Variants in MOV10L1 observed in about 807,000 individuals in gnomAD.
MOV10L1 encodes Mov10 like RNA helicase 1.
In MOV10L1, 110 loss-of-function variants were observed where a neutral mutation model predicts 143.8. The observed-to-expected ratio is 0.76, with a 90% confidence interval of 0.66 to 0.90. The LOEUF is 0.90. Ranked by LOEUF, MOV10L1 falls within the 40% of genes least tolerant of loss-of-function variation. MOV10L1 has a pLI of 0.00. For missense variants in MOV10L1, 1,406 were observed against 1,526.8 expected (o/e 0.92, Z 1.32); for synonymous variants, 593 against 581.1 (o/e 1.02, Z -0.29).
At position 50,091,986 on chromosome 22, in the gene MOV10L1, G is replaced by C. The variant is rs750105943; in HGVS notation, c.98-15G>C. 135 of 1,608,132 alleles carry C rather than the reference G, an allele frequency of 8.4e-5. 2 individuals carry two copies. The South Asian group carries it at 1.3e-3, about 16-fold the overall frequency. On this transcript the variant is annotated splice_polypyrimidine_tract_variant and intron_variant, in intron 1 of 26. Coordinates refer to ENST00000262794, the MANE Select transcript of MOV10L1 (RefSeq NM_018995.3). ...CTTTTATGGCCAAGATAACTTCTTT[G>C]TTTACCTACCTCAGGTGACACTAAG...
chr22:50,131,348 G>A (rs147423154), intron 13 of MOV10L1, among the ~76,000 whole-genome samples: 106 of 152,220 alleles, frequency 7.0e-4, no homozygotes, highest in African/African-American at 2.5e-3. Flanking sequence ...TCAGTACAGT[G>A]CTTTATCAGA....
chr22:50,092,227 G>T (rs527420954), intron 2 of MOV10L1, 42 bp downstream of exon 2: 6 of 1,558,552 alleles, frequency 3.8e-6, no homozygotes, highest in East Asian at 2.2e-5. Flanking sequence ...TCTTCGCCAC[G>T]GGACTTTGTG....
At chr22:50,143,884 T>C (rs1303185392) in intron 17 of MOV10L1, among the ~76,000 whole-genome samples, 1 of 152,176 alleles carries the variant, frequency 6.6e-6, no homozygotes, top group African/African-American at 2.4e-5. Context: ...TTTAGAATCT[T>C]AGAGAGTGCG....
In MOV10L1 at chr22:50,117,264, C is replaced by T. The variant is rs556934592; in HGVS notation, c.1367C>T (p.Ala456Val). The T allele has an allele frequency of 1.2e-5, 19 of 1,614,036 alleles. No homozygotes were observed. Among genetic ancestry groups the T allele is most frequent in the Admixed American group, 8.3e-5 (5 of 60,012 alleles). Reference sequence around the variant, plus strand: ...AGTGGGGAGGAGTCACTAATTGCTGCGCGCGAACCATTTTCTTGGAAAAAG... The same window carrying T: ...AGTGGGGAGGAGTCACTAATTGCTGTGCGCGAACCATTTTCTTGGAAAAAG... Reference protein sequence around the residue: ...VISGEESLIAAREPFSWKKLK... With the variant: ...VISGEESLIAVREPFSWKKLK... The change falls in exon 9 of 27, where the codon GCG becomes GTG. Residue 456 changes from alanine to valine, a missense_variant. Ala to Val is a moderately conservative substitution (Grantham distance 64, BLOSUM62 0). Coordinates refer to ENST00000262794, the MANE Select transcript of MOV10L1 (RefSeq NM_018995.3).
At chr22:50,117,428 G>A (rs2062212471) in intron 9 of MOV10L1, 77 bp downstream of exon 9, 2 of 1,486,214 alleles carry the variant, frequency 1.3e-6, no homozygotes, top group African/African-American at 1.4e-5. Flanking sequence ...GCACTGGCAA[G>A]CGGTGGCTAC....
At chr22:50,146,774 TCA>T (rs1297255327) in intron 19 of MOV10L1, among the ~76,000 whole-genome samples, 1 of 152,134 alleles carries the variant, frequency 6.6e-6, no homozygotes, top group Non-Finnish European at 1.5e-5. Context: ...GCCACGCCTA[TCA>T]CAGCGTGTCA....
intron 18 of MOV10L1, 34 bp downstream of exon 18, chr22:50,144,277 G>A (rs369834572): frequency 2.0e-5 from 32 of 1,572,868 alleles, no homozygotes; most frequent in Non-Finnish European, 2.7e-5. Flanking sequence ...GGGGGCACCA[G>A]AACCCCTCCC....
At chr22:50,156,091 CATAAT>C (rs1356349311) in intron 22 of MOV10L1, among the ~76,000 whole-genome samples, 1 of 151,718 alleles carries the variant, frequency 6.6e-6, no homozygotes, top group African/African-American at 2.4e-5. Flanking sequence ...TAAATGTACA[CATAAT>C]ATAAAATTTG....
chr22:50,153,102 C>G lies in MOV10L1; in HGVS notation c.2950C>G (p.Arg984Gly). ...SHEALLMLPS[R>G]LFYHRELEVC... is the part of the protein sequence containing the mutation. ...CGAGGCCCTGCTGATGCTGCCCTCA[C>G]GGCTGTTCTACCACAGGGAACTCGA... is the stretch of plus-strand genomic sequence containing the variant. The change falls in exon 22 of 27, where the codon CGG becomes GGG. Residue 984 changes from arginine to glycine, a missense_variant. Transcript: ENST00000262794. The G allele has an allele frequency of 6.2e-7, 1 of 1,613,634 alleles. No homozygotes were observed. The highest frequency in any genetic ancestry group is 8.5e-7 in the Non-Finnish European group (1 of 1,179,544).
At position 50,137,741 on chromosome 22, in the gene MOV10L1, ATATATATACATATATAAATATACATATTT is replaced by A. The variant is rs1569025036; in HGVS notation, c.2070+3120_2070+3148del. On this transcript the variant is annotated intron_variant, in intron 15 of 26. Coordinates refer to ENST00000262794, the MANE Select transcript of MOV10L1 (RefSeq NM_018995.3). ...ATGTATATACACATATATATATTTT[ATATATATACATATATAAATATACATATTT>A]TATATATATACATATATAAATATAC... is the stretch of plus-strand genomic sequence containing the variant. Among the ~76,000 whole-genome samples, 13 of 118,728 alleles carry A rather than the reference ATATATATACATATATAAATATACATATTT, an allele frequency of 1.1e-4. 1 individual carries two copies. The highest frequency in any genetic ancestry group is 2.4e-4 in the Non-Finnish European group (12 of 50,122). 77.9% of individuals were successfully genotyped at this position (118,728 alleles called of 152,430 possible).
intron 8 of MOV10L1, among the ~76,000 whole-genome samples, chr22:50,116,643 A>G (rs2062186325): frequency 6.7e-6 from 1 of 150,302 alleles, no homozygotes; most frequent in South Asian, 2.1e-4. Context: ...TACAAAAAAG[A>G]CTATTGTAGA....
At chr22:50,160,130 G>A (rs2063517895) in intron 24 of MOV10L1, among the ~76,000 whole-genome samples, 1 of 152,020 alleles carries the variant, frequency 6.6e-6, no homozygotes, top group African/African-American at 2.4e-5. Context: ...CCGCCATCCA[G>A]ACAGCCGCAA....
intron 22 of MOV10L1, among the ~76,000 whole-genome samples, chr22:50,157,781 A>G (rs2063463752): frequency 6.7e-6 from 1 of 149,068 alleles, no homozygotes; most frequent in African/African-American, 2.5e-5. Context: ...AAAAAAAAAA[A>G]GATCAGAAAT....
intron 2 of MOV10L1, among the ~76,000 whole-genome samples, 157 bp from the exon 3 acceptor site, chr22:50,099,286 G>A (rs1049648389): frequency 3.3e-5 from 5 of 152,202 alleles, no homozygotes; most frequent in African/African-American, 1.2e-4. Context: ...AGACACCGAC[G>A]GTATACCAGG....
chr22:50,150,697 C>T (rs1408539932), intron 20 of MOV10L1, 38 bp from the exon 21 acceptor site: 10 of 1,603,056 alleles, frequency 6.2e-6, no homozygotes, highest in South Asian at 1.1e-5. Flanking sequence ...GCAGCGGCAC[C>T]CTCCCTGCAT....
In MOV10L1 at chr22:50,152,313, G is replaced by A. The variant is rs761522692; in HGVS notation, c.2893-732G>A. Among the ~76,000 whole-genome samples the A allele has an allele frequency of 7.9e-5, 12 of 152,336 alleles. No homozygotes were observed. The highest frequency in any genetic ancestry group is 4.1e-4 in the South Asian group (2 of 4,832). ...GAGGACGGCTCCCCGCGGCACAGAC[G>A]CAGCGAGTCCTCATGCCAATACATG... On this transcript the variant is annotated intron_variant, in intron 21 of 26. Coordinates refer to ENST00000262794, the MANE Select transcript of MOV10L1 (RefSeq NM_018995.3). The surrounding 1 kb of genome is among the most constrained non-coding windows in gnomAD (Gnocchi z 4.4).
intron 3 of MOV10L1, among the ~76,000 whole-genome samples, chr22:50,104,270 C>G (rs185939070): frequency 1.3e-5 from 2 of 152,366 alleles, no homozygotes; most frequent in Non-Finnish European, 2.9e-5. Context: ...TGCTGTGCAG[C>G]TTGGTTTCTA....
chr22:50,101,023 C>A (rs1016779660), intron 3 of MOV10L1, among the ~76,000 whole-genome samples: 1 of 152,018 alleles, frequency 6.6e-6, no homozygotes, highest in African/African-American at 2.4e-5. Flanking sequence ...TGTGGTAGGG[C>A]AGGAATTGGA....
rs577758852 is a variant in MOV10L1, at chr22:50,134,118, G to A, written c.1969+53G>A. On this transcript the variant is annotated intron_variant, in intron 14 of 26. Transcript: ENST00000262794. ...ACATCTTCACAGAGTATTTTTATAG[G>A]CTTCATGTAAAATTTTGTGTAAAAT... 2.1e-6 allele frequency: 3 copies of A among 1,438,306 alleles called. No individual in the cohort carries two copies. The South Asian group carries it at 3.9e-5, about 19-fold the overall frequency. 89.1% of individuals were successfully genotyped at this position (1,438,306 alleles called of 1,614,324 possible). A position where few individuals can be genotyped will look rare whatever the true frequency, so the allele number is the denominator to read the frequency against.
Sources: gnomAD v4.1 joint callset for allele counts (sites outside exome capture counted in the v4.1 genomes callset) on GRCh38, gnomAD v4.1.1 for gene constraint, Gnocchi (gnomAD v3.1) non-coding constraint, MANE v1.5 for transcripts, NCBI Gene and HGNC (gene_info 2026-07-23, HGNC 2026-07-21) for gene names.